The following INVS variants were observed in gnomAD, a reference collection of about 807,000 sequenced individuals.
INVS encodes inversion of embryo turning homolog.
A neutral mutation model predicts 108.8 loss-of-function variants in INVS; 86 were observed. That is an observed-to-expected ratio of 0.79 (90% confidence interval 0.66 to 0.95). The LOEUF (loss-of-function observed/expected upper bound fraction) is 0.95, where lower values mean the gene tolerates loss of function less well. INVS is among the 40% of genes least tolerant of loss of function. The pLI, the probability that INVS is intolerant of heterozygous loss-of-function variation, is 0.00. For missense variants in INVS, 1,169 were observed against 1,297.4 expected, an observed-to-expected ratio of 0.90 and a Z score of 1.52; for synonymous variants, 455 against 473.5, an observed-to-expected ratio of 0.96 and a Z score of 0.51.
intron 3 of INVS, among the ~76,000 whole-genome samples, chr9:100,156,623 T>C (rs1045181483): frequency 6.6e-6 from 1 of 152,142 alleles, no homozygotes; most frequent in African/African-American, 2.4e-5. Context: ...AAGTTGAAAC[T>C]ACATGAAAAG....
intron 6 of INVS, 115 bp downstream of exon 6, chr9:100,240,355 T>A (rs760699401): frequency 9.5e-6 from 7 of 737,796 alleles, no homozygotes; most frequent in East Asian, 5.3e-5. Context: ...GATTTCTAAC[T>A]GATATGTTGC....
At chr9:100,232,512 C>T (rs575818992) in intron 5 of INVS, among the ~76,000 whole-genome samples, 2 of 152,264 alleles carry the variant, frequency 1.3e-5, no homozygotes, top group Admixed American at 1.3e-4. Flanking sequence ...TTTAATCCAT[C>T]TTGAGTTAAT....
chr9:100,117,649 C>T lies in INVS; in HGVS notation c.107-8734C>T, dbSNP rs928452320. ...CTCCCGCTGCACCGGCGTTATCAGC[C>T]ATTTGGTGTTTTCTCGGAGAAGAAG... On this transcript the variant is annotated intron_variant, in intron 2 of 16. Coordinates refer to ENST00000262457, the MANE Select transcript of INVS (RefSeq NM_014425.5). 5.0e-6 allele frequency: 3 copies of T among 595,128 alleles called. No individual in the cohort carries two copies. The African/African-American group carries it at 5.6e-5, about 11-fold the overall frequency. 36.9% of individuals were successfully genotyped at this position (595,128 alleles called of 1,614,324 possible). A position where few individuals can be genotyped will look rare whatever the true frequency, so the allele number is the denominator to read the frequency against.
At chr9:100,246,864 T>C in intron 8 of INVS, 77 bp downstream of exon 8, 1 of 1,286,428 alleles carries the variant, frequency 7.8e-7, no homozygotes, top group Non-Finnish European at 1.1e-6. Context: ...ATTTGTAAAA[T>C]AGCAACTTGA....
intron 3 of INVS, among the ~76,000 whole-genome samples, chr9:100,132,778 T>A (rs1588025181): frequency 5.9e-5 from 1 of 16,866 alleles, no homozygotes; most frequent in Non-Finnish European, 8.5e-5. Context: ...ATGCCTGGAA[T>A]TTTTTTTTTT....
chr9:100,123,894 C>T (rs1827800351), intron 2 of INVS, among the ~76,000 whole-genome samples: 1 of 152,188 alleles, frequency 6.6e-6, no homozygotes. Context: ...CAACCTCCAC[C>T]TCCTGGGTTT....
At chr9:100,253,252 A>T (rs916784825) in intron 10 of INVS, 116 bp downstream of exon 10, 1 of 754,264 alleles carries the variant, frequency 1.3e-6, no homozygotes, top group Non-Finnish European at 2.3e-6. Context: ...CCACAAATCC[A>T]TCTGTTAATC....
intron 8 of INVS, among the ~76,000 whole-genome samples, chr9:100,249,871 G>A (rs1238786406): frequency 1.3e-5 from 2 of 151,936 alleles, no homozygotes; most frequent in Admixed American, 6.5e-5. Context: ...TTGGGAGGCC[G>A]TGGCAGGTGG....
chr9:100,281,258 T>G (rs1359648076), intron 12 of INVS, among the ~76,000 whole-genome samples: 1 of 152,234 alleles, frequency 6.6e-6, no homozygotes, highest in Non-Finnish European at 1.5e-5. Context: ...GTAAGTCACT[T>G]ACCTCTCTGC....
intron 13 of INVS, among the ~76,000 whole-genome samples, chr9:100,286,876 C>G (rs945942501): frequency 2.0e-5 from 3 of 152,212 alleles, no homozygotes; most frequent in African/African-American, 7.2e-5. Context: ...CTATACTTCC[C>G]TCTTATAAAG....
chr9:100,176,456 G>A (rs867862591), intron 3 of INVS, among the ~76,000 whole-genome samples: 1 of 152,004 alleles, frequency 6.6e-6, no homozygotes, highest in South Asian at 2.1e-4. Flanking sequence ...TTCTGGGATT[G>A]GGGGTCTTTG....
At chr9:100,286,034 C>T (rs1272280091) in intron 13 of INVS, among the ~76,000 whole-genome samples, 1 of 152,188 alleles carries the variant, frequency 6.6e-6, no homozygotes, top group African/African-American at 2.4e-5. Flanking sequence ...TCTGGAACTT[C>T]ATGATTACTG....
chr9:100,101,010 T>TA (rs1390603190), intron 1 of INVS, among the ~76,000 whole-genome samples: 2 of 95,080 alleles, frequency 2.1e-5, no homozygotes, highest in East Asian at 5.0e-4. Context: ...AATATATATA[T>TA]TATATGTATA....
At position 100,258,840 on chromosome 9, in the gene INVS, C is replaced by T. The variant is rs1220455012; in HGVS notation, c.1464+5704C>T. ...TCAGTCGGCCCCTACTGGGAGATGT[C>T]TCCCCGTTAGGCTATTGGGGGTCAG... On this transcript the variant is annotated intron_variant, in intron 10 of 16. Coordinates refer to ENST00000262457, the MANE Select transcript of INVS (RefSeq NM_014425.5). 7.2e-5 allele frequency among the ~76,000 whole-genome samples: 11 copies of T among 152,348 alleles called. No individual in the cohort carries two copies. The East Asian group carries it at 1.4e-3, about 19-fold the overall frequency.
At chr9:100,224,690 C>T (rs548554182) in intron 3 of INVS, among the ~76,000 whole-genome samples, 29 of 151,960 alleles carry the variant, frequency 1.9e-4, no homozygotes, top group Non-Finnish European at 3.7e-4. Flanking sequence ...GATCTCTGCT[C>T]ACTGCAACCT....
chr9:100,301,514 T>G lies in INVS; in HGVS notation c.*840T>G, dbSNP rs934557874. On this transcript the variant is annotated 3_prime_UTR_variant, in exon 17 of 17. Transcript: ENST00000262457. ...CTGACCAACTTGCAGAAGTGAGCAA[T>G]CTTCTTAAAATGCCATTTCTGTTGG... is the stretch of plus-strand genomic sequence containing the variant. 2.0e-5 allele frequency among the ~76,000 whole-genome samples: 3 copies of G among 152,168 alleles called. No homozygotes were observed. The highest frequency in any genetic ancestry group is 2.9e-5 in the Non-Finnish European group (2 of 68,038).
chr9:100,180,773 A>G (rs767372678), intron 3 of INVS, among the ~76,000 whole-genome samples: 11 of 152,186 alleles, frequency 7.2e-5, no homozygotes, highest in Non-Finnish European at 1.5e-4. Context: ...TCCCTACCTC[A>G]TTTTATGAGG....
chr9:100,206,593 CA>C (rs1237542859), intron 3 of INVS, among the ~76,000 whole-genome samples: 1 of 152,020 alleles, frequency 6.6e-6, no homozygotes, highest in Non-Finnish European at 1.5e-5. Context: ...CCCTAAATTT[CA>C]GTGCATAGTT....
intron 3 of INVS, among the ~76,000 whole-genome samples, chr9:100,177,987 G>T (rs1046052268): frequency 5.3e-5 from 8 of 152,146 alleles, no homozygotes; most frequent in Non-Finnish European, 1.2e-4. Flanking sequence ...AGGCAAACAG[G>T]GTCTGGAGTG....
Sources: gnomAD v4.1 joint callset for allele counts (sites outside exome capture counted in the v4.1 genomes callset) on GRCh38, gnomAD v4.1.1 for gene constraint, MANE v1.5 for transcripts, NCBI Gene and HGNC (gene_info 2026-07-23, HGNC 2026-07-21) for gene names.